Variants in TRIM23 observed in about 807,000 individuals in gnomAD.
TRIM23 encodes the protein tripartite motif containing 23.
A neutral mutation model predicts 71.0 loss-of-function variants in TRIM23; 27 were observed. The observed-to-expected ratio is 0.38, with a 90% CI of 0.28 to 0.52. The LOEUF (loss-of-function observed/expected upper bound fraction) is 0.52. Ranked by LOEUF, TRIM23 falls within the 20% of genes least tolerant of loss-of-function variation. The pLI is 0.84. For synonymous variants in TRIM23, 234 were observed against 238.0 expected, an observed-to-expected ratio of 0.98 and a Z score of 0.16; for missense variants, 482 against 692.3, an observed-to-expected ratio of 0.70 and a Z score of 3.41.
intron 1 of TRIM23, among the ~76,000 whole-genome samples, chr5:65,619,920 A>C (rs1367320741): frequency 6.6e-6 from 1 of 152,112 alleles, no homozygotes; most frequent in South Asian, 2.1e-4. Flanking sequence ...CATCTCTACT[A>C]AAAATACAAA....
chr5:65,619,427 T>G (rs916668753), intron 1 of TRIM23, among the ~76,000 whole-genome samples: 1 of 152,174 alleles, frequency 6.6e-6, no homozygotes, highest in African/African-American at 2.4e-5. Context: ...ACTGCTTACA[T>G]AAAGTCCAGT....
At chr5:65,596,358 T>G in intron 9 of TRIM23, 63 bp downstream of exon 9, 1 of 1,147,020 alleles carries the variant, frequency 8.7e-7, no homozygotes, top group Non-Finnish European at 1.3e-6. Flanking sequence ...GCTAGTTAAA[T>G]CAGTACACTG....
intron 4 of TRIM23, 22 bp from the exon 5 acceptor site, chr5:65,611,065 G>C (rs1405505442): frequency 3.2e-6 from 5 of 1,582,380 alleles, no homozygotes; most frequent in Non-Finnish European, 4.3e-6. Flanking sequence ...ACCATAATTA[G>C]AGAAAAGAAC....
intron 10 of TRIM23, 54 bp from the exon 11 acceptor site, chr5:65,592,002 T>C: frequency 1.3e-6 from 2 of 1,492,990 alleles, no homozygotes; most frequent in Non-Finnish European, 1.8e-6. Flanking sequence ...ATAATTTTTC[T>C]AATTATCACC....
At chr5:65,621,134 C>T (rs954715679) in intron 1 of TRIM23, among the ~76,000 whole-genome samples, 2 of 152,226 alleles carry the variant, frequency 1.3e-5, no homozygotes, top group African/African-American at 2.4e-5. Context: ...GGGCAGATCA[C>T]GAGGTCAGGA....
intron 10 of TRIM23, among the ~76,000 whole-genome samples, chr5:65,592,968 A>G (rs74986132): frequency 0.014 from 2,065 of 152,328 alleles, 50 homozygotes; most frequent in African/African-American, 0.047. Context: ...ACATACATAC[A>G]TAAACATACA....
Position 65,618,206 on chromosome 5 carries a change from T to G in TRIM23, c.131A>C (p.Lys44Thr). Reference sequence around the variant, plus strand: ...GCCACAAAGCAAAAGACGGGGAACTTTGTCTCCTTGCAAAGAAAAGACATC... The same window carrying G: ...GCCACAAAGCAAAAGACGGGGAACTGTGTCTCCTTGCAAAGAAAAGACATC... ...CEDVFSLQGDKVPRLLLCGHT... is the reference protein window; with the variant it reads ...CEDVFSLQGDTVPRLLLCGHT... The change falls in exon 2 of 11, where the codon AAA becomes ACA. Residue 44 changes from lysine to threonine, a missense_variant. Lys to Thr is a moderately conservative substitution (Grantham distance 78). Around this residue, in one of 2 missense-constraint regions of TRIM23, gnomAD observed 175 missense variants for 196.5 expected, o/e 0.89. Transcript: ENST00000231524. 6.2e-7 allele frequency: 1 copy of G among 1,614,116 alleles called. No homozygotes were observed. Among genetic ancestry groups the G allele is most frequent in the South Asian group, 1.1e-5 (1 of 91,072 alleles).
At position 65,591,280 on chromosome 5, in the gene TRIM23, G is replaced by C; in HGVS notation, c.*489C>G. 7.3e-7 allele frequency: 1 copy of C among 1,361,424 alleles called. No individual in the cohort carries two copies. The highest frequency in any genetic ancestry group is 9.4e-7 in the Non-Finnish European group (1 of 1,059,448). 84.3% of individuals were successfully genotyped at this position (1,361,424 alleles called of 1,614,324 possible). A position where few individuals can be genotyped will look rare whatever the true frequency, so the allele number is the denominator to read the frequency against. On this transcript the variant is annotated 3_prime_UTR_variant, in exon 11 of 11. Coordinates refer to ENST00000231524, the MANE Select transcript of TRIM23 (RefSeq NM_001656.4). ...ATCCTATTATCCAAATATGTAGTTTGGATTCTATTTCATTAAGCAACTGTC... is the reference window on the plus strand; with the variant it reads ...ATCCTATTATCCAAATATGTAGTTTCGATTCTATTTCATTAAGCAACTGTC...
chr5:65,604,112 T>C (rs1225851675), intron 7 of TRIM23, among the ~76,000 whole-genome samples: 2 of 151,664 alleles, frequency 1.3e-5, no homozygotes, highest in Non-Finnish European at 2.9e-5. Flanking sequence ...TGTTTTGTTT[T>C]TGAGGCAGGG....
At chr5:65,621,713 T>C (rs560125837) in intron 1 of TRIM23, among the ~76,000 whole-genome samples, 18 of 152,226 alleles carry the variant, frequency 1.2e-4, no homozygotes, top group African/African-American at 4.3e-4. Context: ...AAACCCTAGA[T>C]AGGAAAAAGC....
chr5:65,606,475 A>C (rs1037369447), intron 6 of TRIM23, among the ~76,000 whole-genome samples: 1 of 141,134 alleles, frequency 7.1e-6, no homozygotes, highest in Non-Finnish European at 1.5e-5. Flanking sequence ...GGCCAAAAAA[A>C]AAAAAAAAAC....
intron 5 of TRIM23, among the ~76,000 whole-genome samples, 198 bp downstream of exon 5, chr5:65,610,663 T>C (rs1754625764): frequency 1.3e-5 from 2 of 152,198 alleles, no homozygotes; most frequent in South Asian, 4.1e-4. Context: ...GTACTTCTCC[T>C]CCATAAAATA....
At chr5:65,596,142 A>G (rs915336177) in intron 9 of TRIM23, among the ~76,000 whole-genome samples, 6 of 152,218 alleles carry the variant, frequency 3.9e-5, no homozygotes, top group Non-Finnish European at 8.8e-5. Context: ...TACTGGTAAT[A>G]TACACTCTCT....
rs1754209649 is a variant in TRIM23, at chr5:65,596,521, C to T, written c.1320G>A (p.Val440=). The T allele has an allele frequency of 6.3e-7, 1 of 1,592,770 alleles. No individual in the cohort carries two copies. The highest frequency in any genetic ancestry group is 1.3e-5 in the African/African-American group (1 of 74,118). Residue 440 remains valine (V), a synonymous_variant, in exon 9 of 11, where the codon GTG becomes GTA. Transcript: ENST00000231524. ...MQPIPTIGFN[V]ETVEYKNLKF... is the part of the protein sequence containing the mutation. Reference sequence around the variant, plus strand: ...TTAGATTTTTATATTCTACAGTTTCCACGTTAAAACCTGTTTTAAAAAAAA... The same window carrying T: ...TTAGATTTTTATATTCTACAGTTTCTACGTTAAAACCTGTTTTAAAAAAAA...
chr5:65,603,434 A>G (rs1225981053), intron 7 of TRIM23, among the ~76,000 whole-genome samples: 1 of 152,220 alleles, frequency 6.6e-6, no homozygotes, highest in Middle Eastern at 3.2e-3. Context: ...TAAAAAGAGC[A>G]GGAAAAAAAA....
intron 6 of TRIM23, 130 bp downstream of exon 6, chr5:65,609,113 A>G: frequency 1.1e-6 from 1 of 887,976 alleles, no homozygotes; most frequent in Non-Finnish European, 1.7e-6. Flanking sequence ...AAGGTTGCAG[A>G]CCATTTCCTA....
chr5:65,610,937 A>C lies in TRIM23; in HGVS notation c.752T>G (p.Leu251Ter). Reference protein sequence around the residue: ...TEEISDYSRKLVGIVQHIEGG... With the variant: ...TEEISDYSRK ...TTCAATGTGCTGCACAATTCCAACT[A>C]ATTTTCTGGAATAATCTGAGATTTC... The change falls in exon 5 of 11, where the codon TTA becomes TGA. Residue 251 changes from leucine to a stop codon, truncating the protein, a stop_gained. Transcript: ENST00000231524. LOFTEE classifies it high-confidence loss of function. 6.2e-7 allele frequency: 1 copy of C among 1,613,826 alleles called. No homozygotes were observed. The highest frequency in any genetic ancestry group is 8.5e-7 in the Non-Finnish European group (1 of 1,179,900).
rs1754586663 is a variant in TRIM23, at chr5:65,609,240, T to C, written c.1044+3A>G. On this transcript the variant is annotated splice_donor_region_variant and intron_variant, in intron 6 of 10. Coordinates refer to ENST00000231524, the MANE Select transcript of TRIM23 (RefSeq NM_001656.4). ...AGTCCCTAACCACATTTAAACTACC[T>C]ACCTGCTGCAAAGTCTTTTCACAGT... 1 of 1,614,116 alleles carries C rather than the reference T, an allele frequency of 6.2e-7. No homozygotes were observed. The highest frequency in any genetic ancestry group is 8.5e-7 in the Non-Finnish European group (1 of 1,179,976).
intron 7 of TRIM23, among the ~76,000 whole-genome samples, chr5:65,599,780 C>A (rs904915135): frequency 6.6e-6 from 1 of 152,034 alleles, no homozygotes; most frequent in Non-Finnish European, 1.5e-5. Context: ...CCTGAATAGC[C>A]AAAACAATTT....
Sources: gnomAD v4.1 joint callset for allele counts (sites outside exome capture counted in the v4.1 genomes callset) on GRCh38, gnomAD v4.1.1 for gene constraint, gnomAD v4.1.1 regional missense constraint, MANE v1.5 for transcripts, NCBI Gene and HGNC (gene_info 2026-07-23, HGNC 2026-07-21) for gene names.